The following CDKAL1 variants were observed in gnomAD, a reference collection of about 807,000 sequenced individuals.
The protein encoded by CDKAL1 is threonylcarbamoyladenosine tRNA methylthiotransferase.
Under a neutral mutation model 68.2 loss-of-function variants are expected in CDKAL1, and 32 were observed. The observed-to-expected ratio is 0.47, with a 90% CI of 0.35 to 0.63. The LOEUF (loss-of-function observed/expected upper bound fraction) is 0.63, where lower values mean the gene tolerates loss of function less well. Among genes scored for constraint, CDKAL1 ranks in the 30% least tolerant of loss-of-function variants. CDKAL1 has a pLI of 0.00. For missense variants in CDKAL1, 606 were observed against 696.7 expected (o/e 0.87, Z 1.47); for synonymous variants, 234 against 244.3 (o/e 0.96, Z 0.39).
intron 9 of CDKAL1, among the ~76,000 whole-genome samples, chr6:20,921,826 TG>T (rs1762969954): frequency 6.6e-6 from 1 of 152,242 alleles, no homozygotes; most frequent in African/African-American, 2.4e-5. Flanking sequence ...GAGAATGCCA[TG>T]TGGAAAATTT....
At chr6:20,956,874 T>C (rs555623781) in intron 10 of CDKAL1, among the ~76,000 whole-genome samples, 1 of 152,254 alleles carries the variant, frequency 6.6e-6, no homozygotes, top group East Asian at 1.9e-4. Context: ...TAAGGGTATA[T>C]GATTTATATG....
At chr6:20,998,625 GA>G (rs202002678) in intron 10 of CDKAL1, among the ~76,000 whole-genome samples, 1,412 of 114,708 alleles carry the variant, frequency 0.012, 21 homozygotes, top group African/African-American at 0.038. Context: ...AAAGAAAAAA[GA>G]AAAAAAAAAA....
intron 12 of CDKAL1, among the ~76,000 whole-genome samples, chr6:21,074,476 A>C (rs1582145198): frequency 6.6e-6 from 1 of 152,094 alleles, no homozygotes; most frequent in Non-Finnish European, 1.5e-5. Flanking sequence ...TTTGTGGGGG[A>C]TACAATTCAA....
At chr6:20,736,761 G>A in intron 5 of CDKAL1, among the ~76,000 whole-genome samples, 1 of 149,724 alleles carries the variant, frequency 6.7e-6, no homozygotes, top group Non-Finnish European at 1.5e-5. Flanking sequence ...CACAGAGCGA[G>A]ACTCTGCCTC....
intron 7 of CDKAL1, among the ~76,000 whole-genome samples, chr6:20,773,704 C>T (rs1285488757): frequency 2.6e-5 from 4 of 151,958 alleles, no homozygotes; most frequent in East Asian, 1.9e-4. Context: ...CCTGCCACCA[C>T]GCCCAGCTAA....
chr6:20,718,211 C>T (rs1218795682), intron 5 of CDKAL1, among the ~76,000 whole-genome samples: 2 of 152,210 alleles, frequency 1.3e-5, no homozygotes. Flanking sequence ...TTTTCCAGTT[C>T]ATTTCCCTGA....
At chr6:20,828,933 G>A (rs1034653682) in intron 8 of CDKAL1, among the ~76,000 whole-genome samples, 7 of 152,216 alleles carry the variant, frequency 4.6e-5, no homozygotes, top group East Asian at 3.9e-4. Flanking sequence ...AAGTAGAATC[G>A]TATAGTGTTT....
chr6:21,065,876 C>T (rs374671169), intron 12 of CDKAL1, among the ~76,000 whole-genome samples: 6 of 151,692 alleles, frequency 4.0e-5, no homozygotes, highest in South Asian at 2.1e-4. Flanking sequence ...TGGCTGAATA[C>T]GGGCAAATGT....
At chr6:20,713,734 G>T (rs1299325524) in intron 5 of CDKAL1, among the ~76,000 whole-genome samples, 1 of 151,810 alleles carries the variant, frequency 6.6e-6, no homozygotes, top group Non-Finnish European at 1.5e-5. Context: ...CTAAGCTCAA[G>T]AAATATAATA....
intron 9 of CDKAL1, among the ~76,000 whole-genome samples, chr6:20,857,048 CT>C (rs1759371121): frequency 6.6e-6 from 1 of 152,084 alleles, no homozygotes; most frequent in Non-Finnish European, 1.5e-5. Flanking sequence ...GCAAAATTTC[CT>C]GCCTGGAAAA....
chr6:20,732,465 T>G (rs1318001920), intron 5 of CDKAL1, among the ~76,000 whole-genome samples: 1 of 150,802 alleles, frequency 6.6e-6, no homozygotes, highest in Non-Finnish European at 1.5e-5. Flanking sequence ...TTTGGTATTT[T>G]TAGTAGAGAT....
chr6:20,578,915 G>T (rs1765024801), intron 4 of CDKAL1, among the ~76,000 whole-genome samples: 1 of 152,180 alleles, frequency 6.6e-6, no homozygotes, highest in Non-Finnish European at 1.5e-5. Flanking sequence ...AAAGGACAAT[G>T]GAAGAGAGTT....
chr6:21,091,919 C>G (rs1216563010), intron 12 of CDKAL1, among the ~76,000 whole-genome samples: 3 of 115,052 alleles, frequency 2.6e-5, no homozygotes, highest in Admixed American at 1.2e-4. Flanking sequence ...CGGAGGCTCG[C>G]TGTGTCGCCC....
At chr6:20,823,988 G>A (rs541052035) in intron 8 of CDKAL1, among the ~76,000 whole-genome samples, 76 of 152,188 alleles carry the variant, frequency 5.0e-4, no homozygotes, top group African/African-American at 1.8e-3. Flanking sequence ...ATGTTCTTGG[G>A]GCAAATGGGA....
intron 5 of CDKAL1, among the ~76,000 whole-genome samples, chr6:20,653,065 T>C (rs1435163961): frequency 6.6e-6 from 1 of 152,254 alleles, no homozygotes; most frequent in Non-Finnish European, 1.5e-5. Context: ...TGAGATTTAT[T>C]CATGTTAATG....
At chr6:20,581,514 A>G (rs1263500009) in intron 4 of CDKAL1, among the ~76,000 whole-genome samples, 2 of 152,204 alleles carry the variant, frequency 1.3e-5, no homozygotes, top group Non-Finnish European at 2.9e-5. Flanking sequence ...GAAAAATTTT[A>G]TATGCTATAT....
chr6:20,914,432 T>C (rs1762627826), intron 9 of CDKAL1, among the ~76,000 whole-genome samples: 1 of 152,242 alleles, frequency 6.6e-6, no homozygotes, highest in Non-Finnish European at 1.5e-5. Context: ...TTATGGTTTT[T>C]TTTTCATGAG....
chr6:21,034,623 A>G (rs1335321169), intron 11 of CDKAL1, among the ~76,000 whole-genome samples: 1 of 152,164 alleles, frequency 6.6e-6, no homozygotes, highest in Non-Finnish European at 1.5e-5. Context: ...AAAGCTAGCC[A>G]AAGCACTAAG....
In CDKAL1 at chr6:20,565,155, T is replaced by A. The variant is rs556490521; in HGVS notation, c.286+16450T>A. The stretch of plus-strand genomic sequence containing the variant: ...CAAAGCTATCTATATATATATATAT[T>A]TTTAAATGAACAGCATTTGTCAGTG... On this transcript the variant is annotated intron_variant, in intron 4 of 15. Coordinates refer to ENST00000274695, the MANE Select transcript of CDKAL1 (RefSeq NM_017774.3). Among the ~76,000 whole-genome samples, 78 of 151,880 alleles carry A rather than the reference T, an allele frequency of 5.1e-4. 1 individual carries two copies. Among genetic ancestry groups the A allele is most frequent in the South Asian group, 4.6e-3 (22 of 4,820 alleles).
Sources: gnomAD v4.1 joint callset for allele counts (sites outside exome capture counted in the v4.1 genomes callset) on GRCh38, gnomAD v4.1.1 for gene constraint, MANE v1.5 for transcripts, NCBI Gene and HGNC (gene_info 2026-07-23, HGNC 2026-07-21) for gene names.